The following CD79A variants were observed in gnomAD, a reference collection of about 807,000 sequenced individuals.
CD79A encodes B-cell antigen receptor complex-associated protein alpha chain.
In CD79A, 16 loss-of-function variants were observed where a neutral mutation model predicts 27.4. The ratio of observed to expected loss-of-function variants is 0.58; its 90% CI spans 0.40 to 0.89. CD79A has a LOEUF of 0.89. Among genes scored for constraint, CD79A ranks in the 40% least tolerant of loss-of-function variants. The probability of loss-of-function intolerance (pLI) is 0.00; values close to 1 mark genes in which losing one functional copy is unlikely to be tolerated. For missense variants in CD79A, 237 were observed against 299.7 expected (o/e 0.79, Z 1.55); for synonymous variants, 110 against 132.7 (o/e 0.83, Z 1.18).
At position 41,881,018 on chromosome 19, in the gene CD79A, C is replaced by A; in HGVS notation, c.*38C>A. ...TGCCAGGCTGCCCCCGCCTGCTGTG[C>A]ACCCAGCTCCAGTGTCTCAGCTCAC... On this transcript the variant is annotated 3_prime_UTR_variant, in exon 5 of 5. Transcript: ENST00000221972. The A allele has an allele frequency of 2.5e-6, 3 of 1,201,608 alleles. No homozygotes were observed. Among genetic ancestry groups the A allele is most frequent in the Non-Finnish European group, 3.6e-6 (3 of 835,978 alleles). 74.4% of individuals were successfully genotyped at this position (1,201,608 alleles called of 1,614,324 possible).
In CD79A at chr19:41,877,488, G is replaced by A. The variant is rs2074195777; in HGVS notation, c.79+105G>A. On this transcript the variant is annotated intron_variant, in intron 1 of 4. Coordinates refer to ENST00000221972, the MANE Select transcript of CD79A (RefSeq NM_001783.4). The surrounding 1 kb of genome is among the most constrained non-coding windows in gnomAD (Gnocchi z 4.1). ...GGGGCTCAGGGAAAGGGGAAGAGGA[G>A]GCAGAGGATAGGGGACCCAGGGAAG... The A allele has an allele frequency of 3.2e-6, 3 of 946,088 alleles. No homozygotes were observed. The highest frequency in any genetic ancestry group is 5.1e-6 in the Non-Finnish European group (3 of 582,776). 58.6% of individuals were successfully genotyped at this position (946,088 alleles called of 1,614,324 possible).
In CD79A at chr19:41,877,566, G is replaced by A. The variant is rs1449675375; in HGVS notation, c.79+183G>A. Reference sequence around the variant, plus strand: ...AGATGGGCCAAGGTGGGGCTGGAGGGAGCCCAGCGAAGGAGAAGGGGCGTC... The same window carrying A: ...AGATGGGCCAAGGTGGGGCTGGAGGAAGCCCAGCGAAGGAGAAGGGGCGTC... On this transcript the variant is annotated intron_variant, in intron 1 of 4. Coordinates refer to ENST00000221972, the MANE Select transcript of CD79A (RefSeq NM_001783.4). The surrounding 1 kb of genome is among the most constrained non-coding windows in gnomAD (Gnocchi z 4.1). Among the ~76,000 whole-genome samples, 1 of 152,140 alleles carries A rather than the reference G, an allele frequency of 6.6e-6. No individual in the cohort carries two copies. Among genetic ancestry groups the A allele is most frequent in the African/African-American group, 2.4e-5 (1 of 41,426 alleles).
chr19:41,880,657 C>T lies in CD79A; in HGVS notation c.499-13C>T. The T allele has an allele frequency of 1.4e-6, 2 of 1,432,008 alleles. No homozygotes were observed. The highest frequency in any genetic ancestry group is 1.9e-6 in the Non-Finnish European group (2 of 1,039,090). The allele number at this position is 1,432,008 out of a possible 1,614,324, so 88.7% of individuals were successfully genotyped here. ...CCTGCTCACTGAGGCACCCACCCCACCCACCCCTACAGAAACGATGGCAGA... is the reference window on the plus strand; with the variant it reads ...CCTGCTCACTGAGGCACCCACCCCATCCACCCCTACAGAAACGATGGCAGA... On this transcript the variant is annotated splice_polypyrimidine_tract_variant and intron_variant, in intron 3 of 4. Coordinates refer to ENST00000221972, the MANE Select transcript of CD79A (RefSeq NM_001783.4).
In CD79A at chr19:41,877,816, G is replaced by A. The variant is rs997380136; in HGVS notation, c.79+433G>A. ...GTTGGGAGTCCCTTCTCAGCACTGG[G>A]GGAATGGGTGTCTCATGGACTCCCC... is the stretch of plus-strand genomic sequence containing the variant. On this transcript the variant is annotated intron_variant, in intron 1 of 4. Transcript: ENST00000221972. This position sits in a 1 kb window ranked among gnomAD's most constrained non-coding sequence, Gnocchi z 4.1. Among the ~76,000 whole-genome samples, 1 of 152,148 alleles carries A rather than the reference G, an allele frequency of 6.6e-6. No individual in the cohort carries two copies. The highest frequency in any genetic ancestry group is 1.5e-5 in the Non-Finnish European group (1 of 68,004).
rs1284633872 is a variant in CD79A at position 41,878,505 on chromosome 19, T to C, written c.80-485T>C. On this transcript the variant is annotated intron_variant, in intron 1 of 4. Transcript: ENST00000221972. The surrounding 1 kb of genome is among the most constrained non-coding windows in gnomAD (Gnocchi z 4.3). Reference sequence around the variant, plus strand: ...AAGAAAAAGCGCCAGGTGCTGGGCCTGGCTGAGGCTGGGGTGCAAAAATGG... The same window carrying C: ...AAGAAAAAGCGCCAGGTGCTGGGCCCGGCTGAGGCTGGGGTGCAAAAATGG... Among the ~76,000 whole-genome samples, 2 of 152,146 alleles carry C rather than the reference T, an allele frequency of 1.3e-5. No individual in the cohort carries two copies. The highest frequency in any genetic ancestry group is 2.9e-5 in the Non-Finnish European group (2 of 67,998).
Position 41,878,673 on chromosome 19 carries a change from G to T in CD79A, c.80-317G>T, listed in dbSNP as rs1555843350. 6.6e-6 allele frequency among the ~76,000 whole-genome samples: 1 copy of T among 152,060 alleles called. No homozygotes were observed. The highest frequency in any genetic ancestry group is 1.5e-5 in the Non-Finnish European group (1 of 67,998). ...AGTACAAAGTGGGTATGCGGGAGGG[G>T]GGCAAGAGATGGCGCTGCAGAGGTG... On this transcript the variant is annotated intron_variant, in intron 1 of 4. Coordinates refer to ENST00000221972, the MANE Select transcript of CD79A (RefSeq NM_001783.4). The surrounding 1 kb of genome is among the most constrained non-coding windows in gnomAD (Gnocchi z 4.3).
rs2074205650 is a variant in CD79A, at chr19:41,879,122, A to G, written c.212A>G (p.His71Arg). The G allele has an allele frequency of 6.2e-7, 1 of 1,614,108 alleles. No individual in the cohort carries two copies. Among genetic ancestry groups the G allele is most frequent in the Non-Finnish European group, 8.5e-7 (1 of 1,180,030 alleles). The change falls in exon 2 of 5, where the codon CAT (histidine) becomes CGT (arginine). Residue 71 changes from histidine (H) to arginine (R), a missense_variant. Transcript: ENST00000221972. This position sits in a 1 kb window ranked among gnomAD's most constrained non-coding sequence, Gnocchi z 5.1. ...AACGTCACCTGGTGGCGCGTCCTCCATGGCAACTACACGTGGCCCCCTGAG... is the reference window on the plus strand; with the variant it reads ...AACGTCACCTGGTGGCGCGTCCTCCGTGGCAACTACACGTGGCCCCCTGAG... ...NANVTWWRVL[H>R]GNYTWPPEFL... is the part of the protein sequence containing the mutation.
Position 41,878,659 on chromosome 19 carries a change from G to C in CD79A, c.80-331G>C, listed in dbSNP as rs10415627. ...GTTCACAGGGCCAGAGTACAAAGTG[G>C]GTATGCGGGAGGGGGGCAAGAGATG... On this transcript the variant is annotated intron_variant, in intron 1 of 4. Coordinates refer to ENST00000221972, the MANE Select transcript of CD79A (RefSeq NM_001783.4). This position sits in a 1 kb window ranked among gnomAD's most constrained non-coding sequence, Gnocchi z 4.3. Among the ~76,000 whole-genome samples the C allele has an allele frequency of 9.2e-5, 14 of 152,160 alleles. No individual in the cohort carries two copies. In the East Asian group the frequency reaches 2.7e-3, roughly 29 times the overall value.
chr19:41,881,031 T>G lies in CD79A; in HGVS notation c.*51T>G, dbSNP rs1555844176. 1 of 1,075,044 alleles carries G rather than the reference T, an allele frequency of 9.3e-7. No homozygotes were observed. The highest frequency in any genetic ancestry group is 1.6e-5 in the African/African-American group (1 of 64,174). The allele number at this position is 1,075,044 out of a possible 1,614,324, so 66.6% of individuals were successfully genotyped here. On this transcript the variant is annotated 3_prime_UTR_variant, in exon 5 of 5. Transcript: ENST00000221972. ...CCGCCTGCTGTGCACCCAGCTCCAG[T>G]GTCTCAGCTCACTTCCCTGGGACAT... is the stretch of plus-strand genomic sequence containing the variant.
At chr19:41,880,148 G>T (rs2074212857) in intron 3 of CD79A, among the ~76,000 whole-genome samples, 2 of 151,956 alleles carry the variant, frequency 1.3e-5, no homozygotes, top group Admixed American at 6.6e-5. Context: ...GAGGCAAGAG[G>T]ATCACTTGAG....
At position 41,879,448 on chromosome 19, in the gene CD79A, T is replaced by C. The variant is rs1555843655; in HGVS notation, c.380-87T>C. 1 of 1,230,920 alleles carries C rather than the reference T, an allele frequency of 8.1e-7. No homozygotes were observed. The highest frequency in any genetic ancestry group is 1.3e-5 in the South Asian group (1 of 78,682). The allele number at this position is 1,230,920 out of a possible 1,614,324, so 76.2% of individuals were successfully genotyped here. On this transcript the variant is annotated intron_variant, in intron 2 of 4. Coordinates refer to ENST00000221972, the MANE Select transcript of CD79A (RefSeq NM_001783.4). The surrounding 1 kb of genome is among the most constrained non-coding windows in gnomAD (Gnocchi z 5.1). The stretch of plus-strand genomic sequence containing the variant: ...TCTGCAGAGTGGGGTCTCTGGGGGG[T>C]CTGGGGCCTTGCAGGAGGTGGGCGG...
rs578240198 is a variant in CD79A, at chr19:41,877,809, G to A, written c.79+426G>A. Among the ~76,000 whole-genome samples the A allele has an allele frequency of 2.0e-5, 3 of 152,302 alleles. No individual in the cohort carries two copies. The highest frequency in any genetic ancestry group is 4.1e-4 in the South Asian group (2 of 4,832). ...TCTCTCTGTTGGGAGTCCCTTCTCA[G>A]CACTGGGGGAATGGGTGTCTCATGG... On this transcript the variant is annotated intron_variant, in intron 1 of 4. Transcript: ENST00000221972. This position sits in a 1 kb window ranked among gnomAD's most constrained non-coding sequence, Gnocchi z 4.1.
At position 41,881,186 on chromosome 19, in the gene CD79A, A is replaced by G. The variant is rs1048098989; in HGVS notation, c.*206A>G. On this transcript the variant is annotated 3_prime_UTR_variant, in exon 5 of 5. Transcript: ENST00000221972. ...GGGGTGTCCCACTCTTCTTCCCTCT[A>G]AACTGCCCCACCTCCTAACCTAATC... 11 of 623,148 alleles carry G rather than the reference A, an allele frequency of 1.8e-5. No homozygotes were observed. Among genetic ancestry groups the G allele is most frequent in the African/African-American group, 5.4e-5 (3 of 55,064 alleles). 38.6% of individuals were successfully genotyped at this position (623,148 alleles called of 1,614,324 possible).
At position 41,878,686 on chromosome 19, in the gene CD79A, C is replaced by G. The variant is rs547270982; in HGVS notation, c.80-304C>G. ...TATGCGGGAGGGGGGCAAGAGATGG[C>G]GCTGCAGAGGTGAGAAGGGCCTCCC... On this transcript the variant is annotated intron_variant, in intron 1 of 4. Transcript: ENST00000221972. The surrounding 1 kb of genome is among the most constrained non-coding windows in gnomAD (Gnocchi z 4.3). Among the ~76,000 whole-genome samples, 5 of 152,152 alleles carry G rather than the reference C, an allele frequency of 3.3e-5. No individual in the cohort carries two copies. The South Asian group carries it at 8.3e-4, about 25-fold the overall frequency.
rs1347266773 is a variant in CD79A at position 41,879,399 on chromosome 19, T to C, written c.379+110T>C. On this transcript the variant is annotated intron_variant, in intron 2 of 4. Coordinates refer to ENST00000221972, the MANE Select transcript of CD79A (RefSeq NM_001783.4). The surrounding 1 kb of genome is among the most constrained non-coding windows in gnomAD (Gnocchi z 5.1). ...CTTCAATGTGGGTTTCAAACCGGCT[T>C]GGACAGAGGGACGGACATTCTCCTC... 2 of 1,276,556 alleles carry C rather than the reference T, an allele frequency of 1.6e-6. No homozygotes were observed. Among genetic ancestry groups the C allele is most frequent in the Non-Finnish European group, 2.2e-6 (2 of 906,904 alleles). The allele number at this position is 1,276,556 out of a possible 1,614,324, so 79.1% of individuals were successfully genotyped here. A position where few individuals can be genotyped will look rare whatever the true frequency, so the allele number is the denominator to read the frequency against.
rs1222321312 is a variant in CD79A at position 41,881,260 on chromosome 19, G to A, written c.*280G>A. 2 of 550,168 alleles carry A rather than the reference G, an allele frequency of 3.6e-6. No homozygotes were observed. Among genetic ancestry groups the A allele is most frequent in the South Asian group, 4.0e-5 (2 of 50,016 alleles). The allele number at this position is 550,168 out of a possible 1,614,324, so 34.1% of individuals were successfully genotyped here. The stretch of plus-strand genomic sequence containing the variant: ...GGCTCCCCTCACCCCAGCGGGTAAT[G>A]AGCCCTTAATCGCTGCCTCTAGGGG... On this transcript the variant is annotated 3_prime_UTR_variant, in exon 5 of 5. Coordinates refer to ENST00000221972, the MANE Select transcript of CD79A (RefSeq NM_001783.4).
chr19:41,878,955 CCA>C lies in CD79A; in HGVS notation c.80-34_80-33del, dbSNP rs782204482. 1.4e-5 allele frequency: 20 copies of C among 1,464,070 alleles called. No individual in the cohort carries two copies. The highest frequency in any genetic ancestry group is 5.1e-5 in the Admixed American group (3 of 59,380). The allele number at this position is 1,464,070 out of a possible 1,614,324, so 90.7% of individuals were successfully genotyped here. On this transcript the variant is annotated intron_variant, in intron 1 of 4. Coordinates refer to ENST00000221972, the MANE Select transcript of CD79A (RefSeq NM_001783.4). The surrounding 1 kb of genome is among the most constrained non-coding windows in gnomAD (Gnocchi z 4.3). ...GGGCTGGGGAAATGTGTCACCATCC[CCA>C]GTCCCTGACCCACCCACCCTGTCTC...
Position 41,881,305 on chromosome 19 carries a change from G to A in CD79A, c.*325G>A, listed in dbSNP as rs924495159. 1.0e-5 allele frequency: 5 copies of A among 479,354 alleles called. No homozygotes were observed. The highest frequency in any genetic ancestry group is 1.9e-5 in the Non-Finnish European group (5 of 259,158). The allele number at this position is 479,354 out of a possible 1,614,324, so 29.7% of individuals were successfully genotyped here. A position where few individuals can be genotyped will look rare whatever the true frequency, so the allele number is the denominator to read the frequency against. ...TAGGGGAGCTGATTGTAGCAGCCTC[G>A]TTAGTGTCACCCCCTCCTCCCTGAT... On this transcript the variant is annotated 3_prime_UTR_variant, in exon 5 of 5. Transcript: ENST00000221972.
rs113019286 is a variant in CD79A at position 41,879,219 on chromosome 19, A to G, written c.309A>G (p.Ile103Met). Residue 103 changes from isoleucine (I) to methionine (M), a missense_variant, in exon 2 of 5, where the codon ATA becomes ATG. Transcript: ENST00000221972. This position sits in a 1 kb window ranked among gnomAD's most constrained non-coding sequence, Gnocchi z 5.1. ...ATGTGAACAAGAGCCATGGGGGCAT[A>G]TACGTGTGCCGGGTCCAGGAGGGCA... The part of the protein sequence containing the change: ...IQNVNKSHGG[I>M]YVCRVQEGNE... The G allele has an allele frequency of 3.8e-5, 61 of 1,613,832 alleles. 3 individuals are homozygous for G. The African/African-American group carries it at 4.4e-4, about 12-fold the overall frequency.
Sources: gnomAD v4.1 joint callset for allele counts (sites outside exome capture counted in the v4.1 genomes callset) on GRCh38, gnomAD v4.1.1 for gene constraint, Gnocchi (gnomAD v3.1) non-coding constraint, MANE v1.5 for transcripts, NCBI Gene and HGNC (gene_info 2026-07-23, HGNC 2026-07-21) for gene names.